The following RAD54B variants were observed in gnomAD, a reference collection of about 807,000 sequenced individuals.
The protein encoded by RAD54B is RAD54 homolog B.
A neutral mutation model predicts 95.8 loss-of-function variants in RAD54B; 78 were observed. The ratio of observed to expected loss-of-function variants is 0.81; its 90% CI spans 0.68 to 0.98. The LOEUF is 0.98. RAD54B is among the 50% of genes least tolerant of loss of function. The pLI is 0.00. For synonymous variants in RAD54B, 328 were observed against 354.9 expected (o/e 0.92, Z 0.85); for missense variants, 957 against 1,056.6 (o/e 0.91, Z 1.31).
In RAD54B at chr8:94,372,160, T is replaced by C. The variant is rs989826645; in HGVS notation, c.*10A>G. ...AAGAAGAGCAATGGAATGTCAGAAGTAATCTTTCACTATGTGCCAGTAGCT... is the reference window on the plus strand; with the variant it reads ...AAGAAGAGCAATGGAATGTCAGAAGCAATCTTTCACTATGTGCCAGTAGCT... On this transcript the variant is annotated 3_prime_UTR_variant, in exon 15 of 15. Transcript: ENST00000336148. 1 of 1,586,674 alleles carries C rather than the reference T, an allele frequency of 6.3e-7. No individual in the cohort carries two copies. Among genetic ancestry groups the C allele is most frequent in the African/African-American group, 1.4e-5 (1 of 73,468 alleles).
intron 1 of RAD54B, among the ~76,000 whole-genome samples, chr8:94,474,517 T>C (rs1049709806): frequency 1.1e-4 from 17 of 152,166 alleles, no homozygotes; most frequent in Non-Finnish European, 2.4e-4. Flanking sequence ...AAATCTTCCA[T>C]AAGGTAATCG....
At chr8:94,463,491 G>C (rs1563666566) in intron 2 of RAD54B, among the ~76,000 whole-genome samples, 6 of 152,098 alleles carry the variant, frequency 3.9e-5, no homozygotes, top group Non-Finnish European at 8.8e-5. Context: ...AAATGGAGCA[G>C]TCAGCTTGGA....
chr8:94,385,235 A>G (rs189359377), intron 11 of RAD54B, among the ~76,000 whole-genome samples: 78 of 152,304 alleles, frequency 5.1e-4, no homozygotes, highest in Non-Finnish European at 1.0e-3. Flanking sequence ...GACATCTTCA[A>G]AGATAAATTC....
intron 3 of RAD54B, chr8:94,429,010 A>C (rs1359638316): frequency 5.1e-6 from 5 of 982,818 alleles, no homozygotes; most frequent in Non-Finnish European, 6.0e-6. Context: ...ATACAAGGGG[A>C]GGTAGACAAT....
intron 6 of RAD54B, among the ~76,000 whole-genome samples, chr8:94,403,159 T>C (rs959850452): frequency 6.6e-6 from 1 of 152,142 alleles, no homozygotes; most frequent in African/African-American, 2.4e-5. Context: ...AATTTTAAAA[T>C]CAAGGGTCTT....
intron 3 of RAD54B, among the ~76,000 whole-genome samples, chr8:94,420,782 C>T (rs1215892125): frequency 6.6e-6 from 1 of 151,878 alleles, no homozygotes; most frequent in South Asian, 2.1e-4. Flanking sequence ...GTCAGGAGTT[C>T]GAGACAAGCT....
chr8:94,411,102 T>C lies in RAD54B; in HGVS notation c.499+19A>G. On this transcript the variant is annotated intron_variant, in intron 4 of 14. Coordinates refer to ENST00000336148, the MANE Select transcript of RAD54B (RefSeq NM_012415.3). ...CTAATTTCAGGCCAAACTGTAAACA[T>C]TAGGTAGTATCATAATACCTCTTCC... The C allele has an allele frequency of 6.4e-7, 1 of 1,562,620 alleles. No homozygotes were observed. The highest frequency in any genetic ancestry group is 8.7e-7 in the Non-Finnish European group (1 of 1,148,846).
chr8:94,407,982 G>A (rs2130030833), intron 4 of RAD54B, among the ~76,000 whole-genome samples: 1 of 152,154 alleles, frequency 6.6e-6, no homozygotes, highest in African/African-American at 2.4e-5. Context: ...CTATAGTTTT[G>A]CCATCTCTTG....
chr8:94,428,975 A>G (rs889417130), intron 3 of RAD54B: 14 of 982,562 alleles, frequency 1.4e-5, no homozygotes, highest in Non-Finnish European at 1.7e-5. Flanking sequence ...GAATTCTCAT[A>G]AACTATACTA....
intron 2 of RAD54B, among the ~76,000 whole-genome samples, chr8:94,461,763 T>G (rs1169069758): frequency 2.0e-5 from 3 of 152,130 alleles, no homozygotes; most frequent in African/African-American, 7.2e-5. Context: ...CACGTGAGAG[T>G]AAACTGCAGA....
rs150424024 is a variant in RAD54B at position 94,467,551 on chromosome 8, G to T, written c.-12C>A. 1.2e-5 allele frequency: 20 copies of T among 1,603,634 alleles called. 1 individual carries two copies. The Middle Eastern group carries it at 6.6e-4, about 53-fold the overall frequency. ...GCAGATCGTCTCATATTCAGCAGTCGTGACCTGAAAAATACCCAAAACAGT... is the reference window on the plus strand; with the variant it reads ...GCAGATCGTCTCATATTCAGCAGTCTTGACCTGAAAAATACCCAAAACAGT... On this transcript the variant is annotated 5_prime_UTR_variant, in exon 2 of 15. Transcript: ENST00000336148.
Position 94,455,044 on chromosome 8 carries a change from C to G in RAD54B, c.304+3224G>C, listed in dbSNP as rs1335656612. Among the ~76,000 whole-genome samples, 2 of 152,172 alleles carry G rather than the reference C, an allele frequency of 1.3e-5. 1 individual carries two copies. Among genetic ancestry groups the G allele is most frequent in the South Asian group, 4.1e-4 (2 of 4,828 alleles). On this transcript the variant is annotated intron_variant, in intron 3 of 14. Transcript: ENST00000336148. ...AAAAACACAACAAAACTCTCTAGCCCCCTACCATTCCTCGAGATACTACTT... is the reference window on the plus strand; with the variant it reads ...AAAAACACAACAAAACTCTCTAGCCGCCTACCATTCCTCGAGATACTACTT...
chr8:94,442,173 G>A (rs1462390833), intron 3 of RAD54B, among the ~76,000 whole-genome samples: 1 of 152,198 alleles, frequency 6.6e-6, no homozygotes, highest in Non-Finnish European at 1.5e-5. Context: ...TCTCTCACAT[G>A]TGGGAGCTAA....
At chr8:94,377,565 A>G (rs113556928) in intron 14 of RAD54B, among the ~76,000 whole-genome samples, 1 of 87,244 alleles carries the variant, frequency 1.1e-5, no homozygotes, top group Admixed American at 1.4e-4. Flanking sequence ...AAAAAAAAAA[A>G]AAAAAAAAAA....
At chr8:94,442,307 C>T (rs1270698410) in intron 3 of RAD54B, among the ~76,000 whole-genome samples, 2 of 152,130 alleles carry the variant, frequency 1.3e-5, no homozygotes, top group African/African-American at 2.4e-5. Flanking sequence ...GGCACGGTGG[C>T]TCACGCCTGT....
chr8:94,395,697 T>C (rs1186798675), intron 8 of RAD54B, among the ~76,000 whole-genome samples: 1 of 152,166 alleles, frequency 6.6e-6, no homozygotes, highest in Non-Finnish European at 1.5e-5. Flanking sequence ...CAGAGGGGCT[T>C]TGAGGAAAGT....
Position 94,378,380 on chromosome 8 carries a change from C to A in RAD54B, c.2315G>T (p.Gly772Val). The stretch of plus-strand genomic sequence containing the variant: ...TTGATAGATCTTTTCTTCTATTGTA[C>A]CTAAAGAGAAAACATTAATTAGATT... ...PVHIYRLLTT[G>V]TIEEKIYQRQ... is the part of the protein sequence containing the mutation. Residue 772 changes from glycine (G) to valine (V), a missense_variant and splice_region_variant, in exon 14 of 15, where the codon GGT (glycine) becomes GTT (valine). Gly to Val is a moderately radical substitution (Grantham distance 109). Transcript: ENST00000336148. The A allele has an allele frequency of 6.2e-7, 1 of 1,606,746 alleles. No homozygotes were observed. Among genetic ancestry groups the A allele is most frequent in the Non-Finnish European group, 8.5e-7 (1 of 1,176,966 alleles).
chr8:94,426,369 CCTAA>C (rs908104646), intron 3 of RAD54B, among the ~76,000 whole-genome samples: 3 of 151,904 alleles, frequency 2.0e-5, no homozygotes, highest in Admixed American at 6.6e-5. Context: ...TGTATGGTTC[CCTAA>C]CTAACATTAT....
chr8:94,408,718 C>T (rs1811451920), intron 4 of RAD54B, among the ~76,000 whole-genome samples: 1 of 123,866 alleles, frequency 8.1e-6, no homozygotes, highest in Non-Finnish European at 1.6e-5. Context: ...TGTCAAAGAC[C>T]CATCACTCCA....
Sources: gnomAD v4.1 joint callset for allele counts (sites outside exome capture counted in the v4.1 genomes callset) on GRCh38, gnomAD v4.1.1 for gene constraint, MANE v1.5 for transcripts, NCBI Gene and HGNC (gene_info 2026-07-23, HGNC 2026-07-21) for gene names.